SCHIP1: variants seen among roughly 807,000 people sequenced by gnomAD.
SCHIP1 encodes the protein schwannomin interacting protein 1.
In SCHIP1, 8 loss-of-function variants were observed where a neutral mutation model predicts 29.7. That is an observed-to-expected ratio of 0.27 (90% CI 0.16 to 0.49). SCHIP1 has a LOEUF of 0.49. Ranked by LOEUF, SCHIP1 falls within the 20% of genes least tolerant of loss-of-function variation. SCHIP1 has a pLI of 0.99. For synonymous variants in SCHIP1, 76 were observed against 94.9 expected (o/e 0.80, Z 1.16); for missense variants, 193 against 294.6 (o/e 0.66, Z 2.52).
chr3:159,718,770 A>G, the SCHIP1 span, among the ~76,000 whole-genome samples: 1 of 152,180 alleles, frequency 6.6e-6, no homozygotes, highest in Non-Finnish European at 1.5e-5. Flanking sequence ...ATGCTCATAG[A>G]TAGGAAGAAT....
the SCHIP1 span, among the ~76,000 whole-genome samples, chr3:159,384,737 T>C: frequency 2.4e-4 from 37 of 151,786 alleles, no homozygotes; most frequent in African/African-American, 9.0e-4. Flanking sequence ...TCCATCTGGT[T>C]CTGGACTCTT....
chr3:159,336,968 C>A, the SCHIP1 span, among the ~76,000 whole-genome samples: 2 of 152,078 alleles, frequency 1.3e-5, no homozygotes, highest in African/African-American at 4.8e-5. Flanking sequence ...ATTCTTTATA[C>A]CCATGAGCAT....
At chr3:159,878,662 C>A (rs1577479802) in intron 2 of SCHIP1, among the ~76,000 whole-genome samples, 1 of 141,176 alleles carries the variant, frequency 7.1e-6, no homozygotes. Flanking sequence ...CCTGTAGTCC[C>A]AGCTACTTGG....
At chr3:159,806,680 G>GT in the SCHIP1 span, among the ~76,000 whole-genome samples, 1 of 152,364 alleles carries the variant, frequency 6.6e-6, no homozygotes, top group African/African-American at 2.4e-5. Flanking sequence ...CCTGACAGCT[G>GT]TTCAGTCTTG....
chr3:159,439,629 G>C, the SCHIP1 span, among the ~76,000 whole-genome samples: 1 of 152,158 alleles, frequency 6.6e-6, no homozygotes, highest in Non-Finnish European at 1.5e-5. Flanking sequence ...TTACTCTAAT[G>C]ATCAGTGATG....
chr3:159,564,128 C>T, the SCHIP1 span, among the ~76,000 whole-genome samples: 5 of 152,148 alleles, frequency 3.3e-5, no homozygotes, highest in Non-Finnish European at 7.4e-5. Flanking sequence ...ATCAGTCCCA[C>T]CCTAAAATTC....
the SCHIP1 span, among the ~76,000 whole-genome samples, chr3:159,614,825 G>A: frequency 6.6e-6 from 1 of 152,192 alleles, no homozygotes; most frequent in Admixed American, 6.5e-5. Context: ...TTATTTAATG[G>A]ATATTTAAGA....
chr3:159,720,525 G>A, the SCHIP1 span, among the ~76,000 whole-genome samples: 3 of 151,524 alleles, frequency 2.0e-5, no homozygotes, highest in African/African-American at 2.4e-5. Context: ...TAAGACCTTC[G>A]TTCCCCTAGC....
At chr3:159,296,141 CTT>C in the SCHIP1 span, among the ~76,000 whole-genome samples, 8 of 144,452 alleles carry the variant, frequency 5.5e-5, no homozygotes, top group Admixed American at 6.9e-5. Context: ...GCTTGCTGCT[CTT>C]TTTTTTTTTT....
the SCHIP1 span, among the ~76,000 whole-genome samples, chr3:159,725,301 C>T: frequency 0.01 from 1,569 of 150,670 alleles, 15 homozygotes; most frequent in Middle Eastern, 0.037. Flanking sequence ...ACAGAATCTC[C>T]CTCTGTCACC....
At chr3:159,399,364 T>C in the SCHIP1 span, among the ~76,000 whole-genome samples, 1 of 152,202 alleles carries the variant, frequency 6.6e-6, no homozygotes, top group African/African-American at 2.4e-5. Flanking sequence ...ATGATATTTA[T>C]TGCTTATTAT....
the SCHIP1 span, among the ~76,000 whole-genome samples, chr3:159,826,039 A>G: frequency 6.6e-6 from 1 of 152,192 alleles, no homozygotes; most frequent in Admixed American, 6.5e-5. Context: ...GATCAGGGCC[A>G]ATAACATAAT....
At chr3:159,351,706 G>T in the SCHIP1 span, among the ~76,000 whole-genome samples, 1 of 152,074 alleles carries the variant, frequency 6.6e-6, no homozygotes, top group South Asian at 2.1e-4. Context: ...TTCTCATTGG[G>T]TTAGTCCTAG....
At chr3:159,446,400 A>G in the SCHIP1 span, among the ~76,000 whole-genome samples, 2 of 151,952 alleles carry the variant, frequency 1.3e-5, no homozygotes, top group African/African-American at 4.8e-5. Context: ...TATTGTTGCA[A>G]TACAGCAATA....
the SCHIP1 span, among the ~76,000 whole-genome samples, chr3:159,519,075 C>T: frequency 2.0e-5 from 3 of 151,902 alleles, no homozygotes; most frequent in Non-Finnish European, 4.4e-5. Flanking sequence ...TCAAACAAAG[C>T]AATAGTTAAT....
intron 6 of SCHIP1, chr3:159,892,936 C>T (rs1485523823): frequency 6.6e-6 from 1 of 152,216 alleles, no homozygotes; most frequent in Non-Finnish European, 1.5e-5. Context: ...TTTAAACCAA[C>T]AGACAGTAAT....
At chr3:159,375,475 GC>G in the SCHIP1 span, among the ~76,000 whole-genome samples, 1 of 152,186 alleles carries the variant, frequency 6.6e-6, no homozygotes, top group Non-Finnish European at 1.5e-5. Flanking sequence ...GCGTGCTCAC[GC>G]CTGTAATCAC....
chr3:159,863,888 C>T (rs529154273), intron 1 of SCHIP1, among the ~76,000 whole-genome samples: 1 of 152,278 alleles, frequency 6.6e-6, no homozygotes, highest in African/African-American at 2.4e-5. Context: ...GAAAGATAGA[C>T]ATGGAATCAA....
At chr3:159,800,347 CA>C in the SCHIP1 span, among the ~76,000 whole-genome samples, 4 of 152,166 alleles carry the variant, frequency 2.6e-5, no homozygotes, top group Non-Finnish European at 5.9e-5. Context: ...TATCTCTTAC[CA>C]GGATAATGTC....
Sources: gnomAD v4.1 joint callset for allele counts (sites outside exome capture counted in the v4.1 genomes callset) on GRCh38, gnomAD v4.1.1 for gene constraint, MANE v1.5 for transcripts, NCBI Gene and HGNC (gene_info 2026-07-23, HGNC 2026-07-21) for gene names.